The following STX1B variants were observed in gnomAD, a reference collection of about 807,000 sequenced individuals.
The protein encoded by STX1B is syntaxin 1B, also known as syntaxin-1B.
In STX1B, 7 loss-of-function variants were observed where a neutral mutation model predicts 39.4. The ratio of observed to expected loss-of-function variants is 0.18; its 90% confidence interval spans 0.10 to 0.33. STX1B has a LOEUF of 0.33. Ranked by LOEUF, STX1B falls within the 10% of genes least tolerant of loss-of-function variation. STX1B has a pLI of 1.00. For synonymous variants in STX1B, 136 were observed against 144.1 expected, an observed-to-expected ratio of 0.94 and a Z score of 0.40; for missense variants, 198 against 383.2, an observed-to-expected ratio of 0.52 and a Z score of 4.04.
intron 4 of STX1B, 102 bp from the exon 5 acceptor site, chr16:30,997,677 G>T: frequency 1.8e-6 from 2 of 1,116,868 alleles, no homozygotes; most frequent in Non-Finnish European, 2.6e-6. Context: ...CGCCAGGCCC[G>T]GGGAGAAACG....
intron 4 of STX1B, among the ~76,000 whole-genome samples, chr16:30,999,000 A>G (rs1439316479): frequency 6.6e-6 from 1 of 152,108 alleles, no homozygotes; most frequent in Non-Finnish European, 1.5e-5. Context: ...TATGTTTTAT[A>G]TATTGGGATT....
chr16:31,010,502 C>T lies in STX1B; in HGVS notation c.-106G>A, dbSNP rs2056676199. The T allele has an allele frequency of 1.3e-6, 1 of 763,698 alleles. No homozygotes were observed. The highest frequency in any genetic ancestry group is 1.7e-6 in the Non-Finnish European group (1 of 583,782). 47.3% of individuals were successfully genotyped at this position (763,698 alleles called of 1,614,324 possible). A position where few individuals can be genotyped will look rare whatever the true frequency, so the allele number is the denominator to read the frequency against. On this transcript the variant is annotated 5_prime_UTR_variant, in exon 1 of 10. Coordinates refer to ENST00000215095, the MANE Select transcript of STX1B (RefSeq NM_052874.5). ...GGGGTCTGGGGGCGCCGGGGGGCGC[C>T]GCGGCCGCTGCGGGGGGCCTGCGGG...
At chr16:31,000,325 GT>G (rs1567379068) in intron 4 of STX1B, among the ~76,000 whole-genome samples, 1 of 37,086 alleles carries the variant, frequency 2.7e-5, no homozygotes, top group Non-Finnish European at 5.4e-5. Context: ...TTGTTTGTTT[GT>G]TTTTTGTTTT....
At chr16:30,994,462 C>T (rs1274766884) in intron 7 of STX1B, among the ~76,000 whole-genome samples, 1 of 146,142 alleles carries the variant, frequency 6.8e-6, no homozygotes, top group Non-Finnish European at 1.5e-5. Context: ...GGCATGGTGG[C>T]GCCTGTGGTC....
chr16:31,007,455 C>T (rs893389303), intron 1 of STX1B, among the ~76,000 whole-genome samples: 2 of 152,206 alleles, frequency 1.3e-5, no homozygotes, highest in African/African-American at 4.8e-5. Context: ...CTCCACCTCA[C>T]TCACTCTGCT....
chr16:30,990,855 T>C lies in STX1B; in HGVS notation c.*1966A>G, dbSNP rs1488806466. On this transcript the variant is annotated 3_prime_UTR_variant, in exon 10 of 10. Coordinates refer to ENST00000215095, the MANE Select transcript of STX1B (RefSeq NM_052874.5). ...GCCTGTGTACCCCTCAGTCACACCCTGGTGTGGGGAGCAGCCTGAGGGTTC... is the reference window on the plus strand; with the variant it reads ...GCCTGTGTACCCCTCAGTCACACCCCGGTGTGGGGAGCAGCCTGAGGGTTC... 3 of 152,176 alleles carry C rather than the reference T, an allele frequency of 2.0e-5. No individual in the cohort carries two copies. The highest frequency in any genetic ancestry group is 4.8e-5 in the African/African-American group (2 of 41,438). The allele number at this position is 152,176 out of a possible 1,614,324, so 9.4% of individuals were successfully genotyped here. A position where few individuals can be genotyped will look rare whatever the true frequency, so the allele number is the denominator to read the frequency against.
At chr16:31,000,725 C>T (rs530473579) in intron 4 of STX1B, among the ~76,000 whole-genome samples, 41 of 152,050 alleles carry the variant, frequency 2.7e-4, no homozygotes, top group Admixed American at 2.2e-3. Context: ...CTCCGGACCT[C>T]GTGATTCACC....
rs2056548059 is a variant in STX1B, at chr16:30,990,508, T to G, written c.*2313A>C. On this transcript the variant is annotated 3_prime_UTR_variant, in exon 10 of 10. Coordinates refer to ENST00000215095, the MANE Select transcript of STX1B (RefSeq NM_052874.5). ...CTGTGTTCTGGGAGGTCACATCTGT[T>G]TGGCCACATGCACACACAATGCACA... is the stretch of plus-strand genomic sequence containing the variant. 1 of 152,306 alleles carries G rather than the reference T, an allele frequency of 6.6e-6. No individual in the cohort carries two copies. Among genetic ancestry groups the G allele is most frequent in the East Asian group, 1.9e-4 (1 of 5,194 alleles). 9.4% of individuals were successfully genotyped at this position (152,306 alleles called of 1,614,324 possible).
rs763421098 is a variant in STX1B at position 30,997,178 on chromosome 16, C to A, written c.355-119G>T. On this transcript the variant is annotated intron_variant, in intron 5 of 9. Transcript: ENST00000215095. ...GTGCATGGGCGGAATAAGGAGGAAGCGCTGAATTAGTTTACGGTCCCTTCT... is the reference window on the plus strand; with the variant it reads ...GTGCATGGGCGGAATAAGGAGGAAGAGCTGAATTAGTTTACGGTCCCTTCT... 1.5e-5 allele frequency: 11 copies of A among 713,594 alleles called. No individual in the cohort carries two copies. In the Admixed American group the frequency reaches 2.1e-4, roughly 14 times the overall value. 44.2% of individuals were successfully genotyped at this position (713,594 alleles called of 1,614,324 possible). A position where few individuals can be genotyped will look rare whatever the true frequency, so the allele number is the denominator to read the frequency against.
At chr16:30,997,125 A>G (rs964684656) in intron 5 of STX1B, 66 bp from the exon 6 acceptor site, 92 of 1,130,004 alleles carry the variant, frequency 8.1e-5, no homozygotes, top group Non-Finnish European at 1.0e-4. Context: ...GGAGTCAGGG[A>G]GCAGAGACCG....
intron 1 of STX1B, among the ~76,000 whole-genome samples, chr16:31,004,412 G>T (rs2014236): frequency 6.6e-6 from 1 of 152,058 alleles, no homozygotes; most frequent in South Asian, 2.1e-4. Context: ...AGTGGCTCAC[G>T]CCTGTAATCC....
At position 31,010,513 on chromosome 16, in the gene STX1B, C is replaced by CG. The variant is rs1264053563; in HGVS notation, c.-118dup. On this transcript the variant is annotated 5_prime_UTR_variant, in exon 1 of 10. Coordinates refer to ENST00000215095, the MANE Select transcript of STX1B (RefSeq NM_052874.5). ...GCGCCGGGGGGCGCCGCGGCCGCTGCGGGGGGCCTGCGGGCGGGGGCGGGG... is the reference window on the plus strand; with the variant it reads ...GCGCCGGGGGGCGCCGCGGCCGCTGCGGGGGGGCCTGCGGGCGGGGGCGGGG... The CG allele has an allele frequency of 1.1e-5, 3 of 276,824 alleles. No homozygotes were observed. Among genetic ancestry groups the CG allele is most frequent in the African/African-American group, 5.2e-5 (2 of 38,452 alleles). 17.1% of individuals were successfully genotyped at this position (276,824 alleles called of 1,614,324 possible). A position where few individuals can be genotyped will look rare whatever the true frequency, so the allele number is the denominator to read the frequency against.
At chr16:30,997,597 G>A (rs770685780) in intron 4 of STX1B, 22 bp from the exon 5 acceptor site, 17 of 1,593,886 alleles carry the variant, frequency 1.1e-5, no homozygotes, top group Admixed American at 1.8e-5. Context: ...AGGGCGCAGC[G>A]ATGGGCGGGA....
rs1471664694 is a variant in STX1B, at chr16:30,991,656, G to A, written c.*1165C>T. 1.3e-5 allele frequency: 2 copies of A among 152,180 alleles called. No homozygotes were observed. The highest frequency in any genetic ancestry group is 4.8e-5 in the African/African-American group (2 of 41,368). 9.4% of individuals were successfully genotyped at this position (152,180 alleles called of 1,614,324 possible). ...GGCCAAAGTGGGCGGATCACCTGAG[G>A]TCAGGAGTTCGAGACCAGCCTGGCC... is the stretch of plus-strand genomic sequence containing the variant. On this transcript the variant is annotated 3_prime_UTR_variant, in exon 10 of 10. Coordinates refer to ENST00000215095, the MANE Select transcript of STX1B (RefSeq NM_052874.5).
chr16:31,000,287 T>C (rs895194214), intron 4 of STX1B, among the ~76,000 whole-genome samples: 18 of 151,550 alleles, frequency 1.2e-4, no homozygotes, highest in Non-Finnish European at 2.1e-4. Flanking sequence ...ATTATAGGCA[T>C]GAGCTACCAC....
intron 4 of STX1B, among the ~76,000 whole-genome samples, chr16:30,998,126 G>A (rs992698200): frequency 5.9e-5 from 9 of 152,228 alleles, no homozygotes; most frequent in Non-Finnish European, 1.2e-4. Context: ...GCCCTGTAAG[G>A]TGATCCCCGA....
In STX1B at chr16:31,001,135, T is replaced by G; in HGVS notation, c.164A>C (p.Lys55Thr). The change falls in exon 3 of 10, where the codon AAA (lysine) becomes ACA (threonine). Residue 55 changes from lysine (K) to threonine (T), a missense_variant. Coordinates refer to ENST00000215095, the MANE Select transcript of STX1B (RefSeq NM_052874.5). The surrounding 1 kb of genome is among the most constrained non-coding windows in gnomAD (Gnocchi z 5.5). ...TGCGGCCAGGATGGCGCTATGCTGTTTTTTCACCTGCTCCACATCCTCCGA... is the reference window on the plus strand; with the variant it reads ...TGCGGCCAGGATGGCGCTATGCTGTGTTTTCACCTGCTCCACATCCTCCGA... ...KLSEDVEQVK[K>T]QHSAILAAPN... is the part of the protein sequence containing the mutation. 6.2e-7 allele frequency: 1 copy of G among 1,614,060 alleles called. No homozygotes were observed. Among genetic ancestry groups the G allele is most frequent in the Non-Finnish European group, 8.5e-7 (1 of 1,180,000 alleles).
At chr16:30,999,828 A>G (rs2056614729) in intron 4 of STX1B, among the ~76,000 whole-genome samples, 1 of 152,150 alleles carries the variant, frequency 6.6e-6, no homozygotes, top group African/African-American at 2.4e-5. Flanking sequence ...GCTCAGATGC[A>G]ATTTAGACAG....
At chr16:30,997,446 TG>T in intron 5 of STX1B, 55 bp downstream of exon 5, 1 of 1,418,476 alleles carries the variant, frequency 7.0e-7, no homozygotes, top group Non-Finnish European at 9.6e-7. Flanking sequence ...GCCTCCAGCC[TG>T]GGCTCCTCCC....
Sources: allele counts gnomAD v4.1 joint callset (sites outside exome capture counted in the v4.1 genomes callset), GRCh38; gene constraint gnomAD v4.1.1; non-coding constraint Gnocchi (gnomAD v3.1); transcripts MANE v1.5; gene names NCBI Gene and HGNC (gene_info 2026-07-23, HGNC 2026-07-21).